Variants in SELP observed in about 807,000 individuals in gnomAD.
The protein encoded by SELP is selectin P.
SELP carries 92 observed loss-of-function variants against 104.1 expected under a neutral mutation model. That is an observed-to-expected ratio of 0.88 (90% CI 0.75 to 1.05). The LOEUF (loss-of-function observed/expected upper bound fraction) is 1.05, where lower values mean the gene tolerates loss of function less well. Ranked by LOEUF, SELP falls within the 50% of genes least tolerant of loss-of-function variation. The pLI, the probability that SELP is intolerant of heterozygous loss-of-function variation, is 0.00. For missense variants in SELP, 1,022 were observed against 1,017.3 expected (o/e 1.00, Z -0.06); for synonymous variants, 397 against 364.5 (o/e 1.09, Z -1.01).
At chr1:169,599,972 G>A (rs1439846836) in intron 10 of SELP, among the ~76,000 whole-genome samples, 1 of 152,166 alleles carries the variant, frequency 6.6e-6, no homozygotes, top group Non-Finnish European at 1.5e-5. Context: ...TAAGGGATTA[G>A]GAATTCAGCA....
intron 3 of SELP, among the ~76,000 whole-genome samples, chr1:169,616,537 CTAAA>C (rs1181604735): frequency 1.3e-5 from 2 of 152,118 alleles, no homozygotes; most frequent in Admixed American, 1.3e-4. Flanking sequence ...GACACATGAA[CTAAA>C]TAAACTAATA....
intron 8 of SELP, among the ~76,000 whole-genome samples, chr1:169,608,905 T>A (rs1041903283): frequency 6.6e-6 from 1 of 152,246 alleles, no homozygotes; most frequent in South Asian, 2.1e-4. Flanking sequence ...AGTGCCTTAG[T>A]ATAAGAGCAA....
chr1:169,620,801 G>C (rs1229833241), intron 1 of SELP, among the ~76,000 whole-genome samples: 2 of 147,402 alleles, frequency 1.4e-5, no homozygotes, highest in African/African-American at 5.0e-5. Flanking sequence ...GGGGTTGTGT[G>C]TGTGTGTGTG....
At chr1:169,602,926 T>C in intron 10 of SELP, 100 bp downstream of exon 10, 2 of 965,838 alleles carry the variant, frequency 2.1e-6, no homozygotes, top group East Asian at 2.5e-5. Flanking sequence ...GAGAGTGTTG[T>C]TTGCTTCAGC....
chr1:169,621,189 C>A (rs1177485822), intron 1 of SELP, among the ~76,000 whole-genome samples: 2 of 126,058 alleles, frequency 1.6e-5, no homozygotes, highest in African/African-American at 6.2e-5. Context: ...GTGTGTCATG[C>A]CCCAGTGATG....
At chr1:169,624,926 C>T (rs1185135958) in intron 1 of SELP, among the ~76,000 whole-genome samples, 1 of 152,210 alleles carries the variant, frequency 6.6e-6, no homozygotes. Flanking sequence ...AATAGTGCCA[C>T]AGAAAGGAGA....
Position 169,613,497 on chromosome 1 carries a change from C to A in SELP, c.589+89G>T, listed in dbSNP as rs1662650307. On this transcript the variant is annotated intron_variant, in intron 4 of 16. Coordinates refer to ENST00000263686, the MANE Select transcript of SELP (RefSeq NM_003005.4). ...AGGGGGGCTGGTACCATCCTATTCTCACTGGAGAGACTTCAACATGATTTA... is the reference window on the plus strand; with the variant it reads ...AGGGGGGCTGGTACCATCCTATTCTAACTGGAGAGACTTCAACATGATTTA... 3 of 991,584 alleles carry A rather than the reference C, an allele frequency of 3.0e-6. No homozygotes were observed. The African/African-American group carries it at 4.8e-5, about 16-fold the overall frequency. 61.4% of individuals were successfully genotyped at this position (991,584 alleles called of 1,614,324 possible).
chr1:169,590,609 G>A (rs906454086), intron 15 of SELP, among the ~76,000 whole-genome samples: 1 of 152,118 alleles, frequency 6.6e-6, no homozygotes, highest in East Asian at 1.9e-4. Context: ...TATTGAGTGG[G>A]TATGGGGCAA....
At chr1:169,605,651 C>A (rs1335409361) in intron 9 of SELP, among the ~76,000 whole-genome samples, 6 of 152,076 alleles carry the variant, frequency 3.9e-5, no homozygotes, top group African/African-American at 1.4e-4. Flanking sequence ...GTCTTTTACC[C>A]ATTCAACTTT....
intron 3 of SELP, among the ~76,000 whole-genome samples, chr1:169,614,628 A>G (rs1333867536): frequency 6.6e-6 from 1 of 152,034 alleles, no homozygotes; most frequent in Non-Finnish European, 1.5e-5. Context: ...GTTCACTTGG[A>G]AGTATATTAC....
At chr1:169,590,979 G>T (rs888510535) in intron 15 of SELP, among the ~76,000 whole-genome samples, 6 of 152,272 alleles carry the variant, frequency 3.9e-5, no homozygotes, top group Admixed American at 2.6e-4. Context: ...ATTGCCATAT[G>T]AATCAAAGGA....
Position 169,597,127 on chromosome 1 carries a change from A to G in SELP, c.1755T>C (p.Cys585=), listed in dbSNP as rs1476572250. Residue 585 remains cysteine (C), a synonymous_variant, in exon 11 of 17, where the codon TGT becomes TGC. Transcript: ENST00000263686. The stretch of plus-strand genomic sequence containing the variant: ...CATTGAATTCTCCACGAGTGTCAGA[A>G]CAATCCAGGCTGCCCTGCTCTGGGG... The part of the protein sequence containing the change: ...LFAPEQGSLD[C]SDTRGEFNVG... 5 of 1,612,228 alleles carry G rather than the reference A, an allele frequency of 3.1e-6. No individual in the cohort carries two copies. Among genetic ancestry groups the G allele is most frequent in the Non-Finnish European group, 4.2e-6 (5 of 1,179,064 alleles).
chr1:169,611,053 G>A (rs936046002), intron 7 of SELP, among the ~76,000 whole-genome samples: 3 of 152,178 alleles, frequency 2.0e-5, no homozygotes, highest in African/African-American at 4.8e-5. Context: ...TCATTTTGGC[G>A]GAATTATGTA....
chr1:169,603,329 G>C lies in SELP; in HGVS notation c.1520-118C>G, dbSNP rs1296068153. The C allele has an allele frequency of 6.2e-4, 453 of 726,606 alleles. 7 individuals carry two copies. The highest frequency in any genetic ancestry group is 6.0e-3 in the African/African-American group (341 of 56,468). 45.0% of individuals were successfully genotyped at this position (726,606 alleles called of 1,614,324 possible). A position where few individuals can be genotyped will look rare whatever the true frequency, so the allele number is the denominator to read the frequency against. The stretch of plus-strand genomic sequence containing the variant: ...TCTCTGTGTGTGTGTGTGTGTGTGT[G>C]TGTGTGTGTGTGTGTGTGTGATTAA... On this transcript the variant is annotated intron_variant, in intron 9 of 16. Coordinates refer to ENST00000263686, the MANE Select transcript of SELP (RefSeq NM_003005.4).
Position 169,611,600 on chromosome 1 carries a change from C to CT in SELP, c.1038_1039insA (p.Gly347ArgfsTer5). The CT allele has an allele frequency of 6.2e-7, 1 of 1,614,148 alleles. No homozygotes were observed. Among genetic ancestry groups the CT allele is most frequent in the Non-Finnish European group, 8.5e-7 (1 of 1,180,016 alleles). ...TGGCACTCAAATTTACAGCTGGAGC[C>CT]ATAGGCAAAAGCAGTGAGCGGATGA... is the stretch of plus-strand genomic sequence containing the variant. On this transcript the variant is annotated frameshift_variant, in exon 7 of 17. Coordinates refer to ENST00000263686, the MANE Select transcript of SELP (RefSeq NM_003005.4). LOFTEE classifies it high-confidence loss of function.
chr1:169,621,337 G>C (rs1663122581), intron 1 of SELP, among the ~76,000 whole-genome samples: 1 of 148,600 alleles, frequency 6.7e-6, no homozygotes, highest in Non-Finnish European at 1.5e-5. Flanking sequence ...GGTGATGGAT[G>C]ATGTAGGGTG....
chr1:169,608,752 A>G (rs3917744), intron 8 of SELP, among the ~76,000 whole-genome samples: 115,298 of 152,008 alleles, frequency 0.76, 44,514 homozygotes, highest in East Asian at 0.95. Context: ...AGGAACCCAG[A>G]GGAGTCACAT....
rs1377331932 is a variant in SELP at position 169,605,485 on chromosome 1, GT to G, written c.1519+1463del. Among the ~76,000 whole-genome samples the G allele has an allele frequency of 5.5e-4, 81 of 147,078 alleles. 1 individual carries two copies. Among genetic ancestry groups the G allele is most frequent in the Non-Finnish European group, 9.0e-4 (60 of 66,640 alleles). Reference sequence around the variant, plus strand: ...CCTAGCTTAACAATGGGGTGTGTGTGTGGGGGGTGTGTGTGTGTGTATGTGA... The same window carrying G: ...CCTAGCTTAACAATGGGGTGTGTGTGGGGGGGTGTGTGTGTGTGTATGTGA... On this transcript the variant is annotated intron_variant, in intron 9 of 16. Coordinates refer to ENST00000263686, the MANE Select transcript of SELP (RefSeq NM_003005.4).
At chr1:169,624,933 G>A (rs956903241) in intron 1 of SELP, among the ~76,000 whole-genome samples, 1 of 152,178 alleles carries the variant, frequency 6.6e-6, no homozygotes, top group African/African-American at 2.4e-5. Context: ...CCACAGAAAG[G>A]AGATCTTGTT....
Sources: allele counts gnomAD v4.1 joint callset (sites outside exome capture counted in the v4.1 genomes callset), GRCh38; gene constraint gnomAD v4.1.1; transcripts MANE v1.5; gene names NCBI Gene and HGNC (gene_info 2026-07-23, HGNC 2026-07-21).